DIAPH2: variants seen among roughly 807,000 people sequenced by gnomAD.
DIAPH2 encodes protein diaphanous homolog 2.
Under a neutral mutation model 92.7 loss-of-function variants are expected in DIAPH2, and 35 were observed. The ratio of observed to expected loss-of-function variants is 0.38; its 90% CI spans 0.29 to 0.50. DIAPH2 has a LOEUF of 0.50. Among genes scored for constraint, DIAPH2 ranks in the 20% least tolerant of loss-of-function variants. The pLI is 0.94. For missense variants in DIAPH2, 701 were observed against 819.5 expected (o/e 0.86, Z 1.77); for synonymous variants, 301 against 280.4 (o/e 1.07, Z -0.73).
Position 97,348,238 on chromosome X carries a change from A to G in DIAPH2, c.2967A>G (p.Glu989=). 1 of 1,210,274 alleles carries G rather than the reference A, an allele frequency of 8.3e-7. No homozygotes were observed. The highest frequency in any genetic ancestry group is 1.7e-5 in the African/African-American group (1 of 57,838). The change falls in exon 24 of 27, where the codon GAA becomes GAG. Residue 989 remains glutamate (E), a synonymous_variant. Coordinates refer to ENST00000324765, the MANE Select transcript of DIAPH2 (RefSeq NM_006729.5). ...TTGACTCAAAGACAGTGAGCATAGA[A>G]GAGTTCTTTGGTGATCTCAACAACT... ...FIFDSKTVSI[E]EFFGDLNNFR...
intron 17 of DIAPH2, among the ~76,000 whole-genome samples, chrX:97,043,683 C>T (rs759249894): frequency 9.0e-6 from 1 of 110,573 alleles, no homozygotes; most frequent in Non-Finnish European, 1.9e-5. Context: ...AGTAACACCA[C>T]TAATACAATT....
At chrX:97,406,571 A>G (rs965578588) in intron 25 of DIAPH2, among the ~76,000 whole-genome samples, 4 of 111,857 alleles carry the variant, frequency 3.6e-5, no homozygotes, top group African/African-American at 6.5e-5. Flanking sequence ...TCATAGTCCT[A>G]TTGAAGACCC....
At chrX:97,560,538 G>C (rs1392947289) in intron 26 of DIAPH2, among the ~76,000 whole-genome samples, 1 of 111,347 alleles carries the variant, frequency 9.0e-6, no homozygotes, top group African/African-American at 3.3e-5. Flanking sequence ...TGTCACCCAG[G>C]CTGGAGTGCA....
chrX:97,561,913 A>G (rs758283873), intron 26 of DIAPH2, among the ~76,000 whole-genome samples: 59 of 112,494 alleles, frequency 5.2e-4, no homozygotes, highest in Non-Finnish European at 9.8e-4. Context: ...TGTTTTTACT[A>G]TGGATATAGT....
At chrX:96,865,458 AAAG>A (rs767221522) in intron 4 of DIAPH2, among the ~76,000 whole-genome samples, 1 of 112,186 alleles carries the variant, frequency 8.9e-6, no homozygotes, top group South Asian at 3.7e-4. Context: ...CTCTAGGCAA[AAAG>A]AAGAACACAT....
intron 17 of DIAPH2, among the ~76,000 whole-genome samples, chrX:97,025,544 C>T (rs903448043): frequency 1.0e-4 from 11 of 109,508 alleles, no homozygotes; most frequent in African/African-American, 2.0e-4. Flanking sequence ...CCCAGCTACT[C>T]GGGAGGCTGA....
chrX:97,197,199 T>C (rs776808036), intron 22 of DIAPH2, among the ~76,000 whole-genome samples: 13 of 112,245 alleles, frequency 1.2e-4, no homozygotes, highest in African/African-American at 4.2e-4. Context: ...ACTATACTCA[T>C]ATACTATCTC....
At chrX:97,584,164 G>A (rs759534078) in intron 26 of DIAPH2, among the ~76,000 whole-genome samples, 16 of 112,208 alleles carry the variant, frequency 1.4e-4, no homozygotes, top group African/African-American at 4.2e-4. Flanking sequence ...GCTGTAGACC[G>A]GAGCTGTTCA....
intron 21 of DIAPH2, 46 bp from the exon 22 acceptor site, chrX:97,141,619 T>C: frequency 9.0e-7 from 1 of 1,114,318 alleles, no homozygotes; most frequent in African/African-American, 1.9e-5. Context: ...TTTAAAAAAG[T>C]ATTTACTAAA....
intron 22 of DIAPH2, among the ~76,000 whole-genome samples, chrX:97,172,909 C>T (rs916295521): frequency 1.8e-5 from 2 of 111,993 alleles, no homozygotes; most frequent in African/African-American, 6.5e-5. Flanking sequence ...TAGAAACTCT[C>T]TGTCTCTGTG....
chrX:97,601,554 G>A lies in DIAPH2; in HGVS notation c.*2237G>A, dbSNP rs1021920532. 4.5e-5 allele frequency: 5 copies of A among 111,223 alleles called. No homozygotes were observed. The highest frequency in any genetic ancestry group is 1.6e-4 in the African/African-American group (5 of 30,505). 9.2% of individuals were successfully genotyped at this position (111,223 alleles called of 1,213,427 possible). A position where few individuals can be genotyped will look rare whatever the true frequency, so the allele number is the denominator to read the frequency against. On this transcript the variant is annotated 3_prime_UTR_variant, in exon 27 of 27. Coordinates refer to ENST00000324765, the MANE Select transcript of DIAPH2 (RefSeq NM_006729.5). ...TCCTGCTCTAGCCATTTGCAGTTTT[G>A]TTTTAGATGATTGGAAAGTATATCA...
intron 23 of DIAPH2, among the ~76,000 whole-genome samples, chrX:97,271,221 C>T (rs990547239): frequency 7.2e-5 from 8 of 111,362 alleles, no homozygotes; most frequent in African/African-American, 9.8e-5. Context: ...CCACACCTAG[C>T]ACAGGTTCTT....
intron 3 of DIAPH2, among the ~76,000 whole-genome samples, chrX:96,753,287 G>T (rs2064205142): frequency 8.9e-6 from 1 of 111,880 alleles, no homozygotes; most frequent in South Asian, 3.8e-4. Flanking sequence ...AGAACATAGG[G>T]ATTTTGATGA....
chrX:97,341,591 A>G (rs767403943), intron 23 of DIAPH2, among the ~76,000 whole-genome samples: 1 of 110,694 alleles, frequency 9.0e-6, no homozygotes. Context: ...CTGCAAGCTA[A>G]AAAACCAGGA....
chrX:97,600,921 T>G lies in DIAPH2; in HGVS notation c.*1604T>G, dbSNP rs2071590707. The G allele has an allele frequency of 9.0e-6, 1 of 111,686 alleles. No individual in the cohort carries two copies. Among genetic ancestry groups the G allele is most frequent in the Non-Finnish European group, 1.9e-5 (1 of 53,139 alleles). The allele number at this position is 111,686 out of a possible 1,213,427, so 9.2% of individuals were successfully genotyped here. A position where few individuals can be genotyped will look rare whatever the true frequency, so the allele number is the denominator to read the frequency against. The stretch of plus-strand genomic sequence containing the variant: ...TGCTGCCTTTGCCTCCAGTGCATCC[T>G]TACTTAGGTATTATACTTCTTTAAA... On this transcript the variant is annotated 3_prime_UTR_variant, in exon 27 of 27. Coordinates refer to ENST00000324765, the MANE Select transcript of DIAPH2 (RefSeq NM_006729.5).
chrX:97,127,850 T>A (rs1036255815), intron 21 of DIAPH2, among the ~76,000 whole-genome samples: 3 of 111,472 alleles, frequency 2.7e-5, no homozygotes, highest in Non-Finnish European at 5.7e-5. Context: ...CTACCAAAAA[T>A]AGAAAAGATT....
intron 23 of DIAPH2, among the ~76,000 whole-genome samples, chrX:97,270,211 G>A (rs939795488): frequency 8.1e-5 from 9 of 110,557 alleles, no homozygotes; most frequent in Non-Finnish European, 1.1e-4. Flanking sequence ...TTACAGGTGT[G>A]AGCCACTGTG....
chrX:96,778,264 A>AT (rs1253746294), intron 4 of DIAPH2, among the ~76,000 whole-genome samples: 1 of 110,151 alleles, frequency 9.1e-6, no homozygotes, highest in African/African-American at 3.3e-5. Context: ...TCACTGCCAA[A>AT]TTTTATTTGC....
chrX:97,503,865 G>A (rs890340526), intron 26 of DIAPH2, among the ~76,000 whole-genome samples: 3 of 111,912 alleles, frequency 2.7e-5, no homozygotes. Flanking sequence ...TGGGTAAACA[G>A]GCTAAAATGC....
Sources: allele counts gnomAD v4.1 joint callset (sites outside exome capture counted in the v4.1 genomes callset), GRCh38; gene constraint gnomAD v4.1.1; transcripts MANE v1.5; gene names NCBI Gene and HGNC (gene_info 2026-07-23, HGNC 2026-07-21).